The following SYNPO variants were observed in gnomAD, a reference collection of about 807,000 sequenced individuals.
The protein encoded by SYNPO is synaptopodin.
A neutral mutation model predicts 49.5 loss-of-function variants in SYNPO; 19 were observed. The observed-to-expected ratio is 0.38, with a 90% CI of 0.27 to 0.56. The LOEUF is 0.56. Among genes scored for constraint, SYNPO ranks in the 20% least tolerant of loss-of-function variants. The pLI, the probability that SYNPO is intolerant of heterozygous loss-of-function variation, is 0.68. For missense variants in SYNPO, 1,131 were observed against 1,248.3 expected, an observed-to-expected ratio of 0.91 and a Z score of 1.42; for synonymous variants, 536 against 548.0, an observed-to-expected ratio of 0.98 and a Z score of 0.31.
At position 150,648,616 on chromosome 5, in the gene SYNPO, T is replaced by G; in HGVS notation, c.341T>G (p.Ile114Ser). ...CCACAGAGCCTGCCACTTTCTAGCA[T>G]CCAACAGAATTCCTCAGAGGCCCAA... Reference protein sequence around the residue: ...VVPQSLPLSSIQQNSSEAQLP... With the variant: ...VVPQSLPLSSSQQNSSEAQLP... Residue 114 changes from isoleucine (I) to serine (S), a missense_variant, in exon 2 of 3, where the codon ATC becomes AGC. This residue lies in a region of SYNPO where 602 missense variants were observed against 720.7 expected (regional missense o/e 0.84). Coordinates refer to ENST00000307662, the MANE Select transcript of SYNPO (RefSeq NM_007286.6). This position sits in a 1 kb window ranked among gnomAD's most constrained non-coding sequence, Gnocchi z 5.0. The G allele has an allele frequency of 6.2e-7, 1 of 1,614,180 alleles. No homozygotes were observed. Among genetic ancestry groups the G allele is most frequent in the Non-Finnish European group, 8.5e-7 (1 of 1,180,034 alleles).
intron 2 of SYNPO, among the ~76,000 whole-genome samples, chr5:150,625,735 T>C (rs1462595700): frequency 6.6e-6 from 1 of 152,094 alleles, no homozygotes; most frequent in African/African-American, 2.4e-5. Flanking sequence ...AAGGTCTCCT[T>C]TGCTCCCCCC....
At chr5:150,599,739 T>A (rs1756488236), upstream of SYNPO, among the ~76,000 whole-genome samples, 1 of 152,220 alleles carries the variant, frequency 6.6e-6, no homozygotes, top group Non-Finnish European at 1.5e-5. Context: ...ACTACTGCAG[T>A]GCCAGTGCTG....
intron 2 of SYNPO, among the ~76,000 whole-genome samples, chr5:150,631,580 G>A (rs1242781381): frequency 6.6e-6 from 1 of 152,162 alleles, no homozygotes; most frequent in Non-Finnish European, 1.5e-5. Context: ...GGTGGTACAG[G>A]GCCTGGAGCC....
At chr5:150,595,359 C>T in the SYNPO span, among the ~76,000 whole-genome samples, 1 of 152,268 alleles carries the variant, frequency 6.6e-6, no homozygotes. Flanking sequence ...CATCTTGTTC[C>T]TCCACCCTTC....
chr5:150,624,413 A>G (rs1757276718), intron 2 of SYNPO, among the ~76,000 whole-genome samples: 1 of 152,196 alleles, frequency 6.6e-6, no homozygotes, highest in African/African-American at 2.4e-5. Flanking sequence ...GGGGACACAA[A>G]GAAACTGTCT....
upstream of SYNPO, among the ~76,000 whole-genome samples, chr5:150,637,116 CCCAGCA>C (rs1197676414): frequency 6.6e-6 from 1 of 152,164 alleles, no homozygotes; most frequent in Non-Finnish European, 1.5e-5. Flanking sequence ...CTGAAGGTAG[CCCAGCA>C]ATTTGAATAG....
At chr5:150,593,926 A>G in the SYNPO span, among the ~76,000 whole-genome samples, 1 of 152,186 alleles carries the variant, frequency 6.6e-6, no homozygotes, top group Non-Finnish European at 1.5e-5. Context: ...CAGTCATGGA[A>G]GACTTAGGGG....
intron 1 of SYNPO, among the ~76,000 whole-genome samples, chr5:150,607,149 T>A (rs181871412): frequency 2.0e-5 from 3 of 152,162 alleles, no homozygotes; most frequent in Non-Finnish European, 4.4e-5. Flanking sequence ...AGGTCCTCCA[T>A]TGGGCTCAAA....
chr5:150,656,437 T>G lies in SYNPO; in HGVS notation c.2062T>G (p.Trp688Gly), dbSNP rs1438218916. 3.3e-6 allele frequency: 5 copies of G among 1,531,332 alleles called. No homozygotes were observed. Among genetic ancestry groups the G allele is most frequent in the Non-Finnish European group, 4.4e-6 (5 of 1,145,102 alleles). 94.9% of individuals were successfully genotyped at this position (1,531,332 alleles called of 1,614,324 possible). A position where few individuals can be genotyped will look rare whatever the true frequency, so the allele number is the denominator to read the frequency against. Residue 688 changes from tryptophan (W) to glycine (G), a missense_variant, in exon 3 of 3, where the codon TGG becomes GGG. Coordinates refer to ENST00000307662, the MANE Select transcript of SYNPO (RefSeq NM_007286.6). ...GGAGAGCCTGCCCACCTCCCCACCC[T>G]GGACGCCGGGCGCGTCCCGGCCCCC... The part of the protein sequence containing the change: ...RRESLPTSPP[W>G]TPGASRPPSS...
At position 150,657,406 on chromosome 5, in the gene SYNPO, A is replaced by T. The variant is rs1158165714; in HGVS notation, c.*319A>T. The T allele has an allele frequency of 2.6e-5, 9 of 351,670 alleles. No individual in the cohort carries two copies. The highest frequency in any genetic ancestry group is 2.3e-4 in the African/African-American group (9 of 39,918). The allele number at this position is 351,670 out of a possible 1,614,324, so 21.8% of individuals were successfully genotyped here. The stretch of plus-strand genomic sequence containing the variant: ...TCAGTACACACACCGATGCACACAC[A>T]CTCTCTCTTTCTCTCTCTCTCTCTC... On this transcript the variant is annotated 3_prime_UTR_variant, in exon 3 of 3. Transcript: ENST00000307662.
intron 2 of SYNPO, chr5:150,651,004 C>A: frequency 8.1e-7 from 1 of 1,235,634 alleles, no homozygotes; most frequent in Middle Eastern, 3.2e-4. Context: ...CTTCCTGCCC[C>A]CTCTGAGGCC....
At chr5:150,620,602 G>A (rs1035779819) in intron 2 of SYNPO, among the ~76,000 whole-genome samples, 15 of 152,164 alleles carry the variant, frequency 9.9e-5, no homozygotes, top group South Asian at 4.1e-4. Flanking sequence ...TGTTGTCTGC[G>A]GACATCTTGG....
chr5:150,604,060 C>G (rs1469711529), intron 1 of SYNPO, among the ~76,000 whole-genome samples: 2 of 152,196 alleles, frequency 1.3e-5, no homozygotes, highest in Non-Finnish European at 2.9e-5. Context: ...AAGCTGCTGG[C>G]CATGATCAGG....
chr5:150,610,698 A>G (rs1399165597), intron 1 of SYNPO, among the ~76,000 whole-genome samples: 6 of 152,238 alleles, frequency 3.9e-5, no homozygotes, highest in Non-Finnish European at 8.8e-5. Context: ...GCAATATGAT[A>G]TCATTATTAT....
At chr5:150,606,063 G>A (rs151023062) in intron 1 of SYNPO, among the ~76,000 whole-genome samples, 54 of 152,038 alleles carry the variant, frequency 3.6e-4, no homozygotes, top group African/African-American at 1.0e-3. Context: ...GCCCAGACAC[G>A]TACATGTGCA....
At position 150,649,050 on chromosome 5, in the gene SYNPO, A is replaced by G. The variant is rs1298066630; in HGVS notation, c.775A>G (p.Met259Val). 1 of 1,614,094 alleles carries G rather than the reference A, an allele frequency of 6.2e-7. No homozygotes were observed. The highest frequency in any genetic ancestry group is 1.7e-5 in the Admixed American group (1 of 60,018). Residue 259 changes from methionine to valine, a missense_variant, in exon 2 of 3, where the codon ATG becomes GTG. Around this residue, in one of 4 missense-constraint regions of SYNPO, gnomAD observed 602 missense variants for 720.7 expected, o/e 0.84. Transcript: ENST00000307662. ...CACCAGCCAGATGGAGAGGAGCCCCATGCTAGAGAGACGACATTTTGGGGA... is the reference window on the plus strand; with the variant it reads ...CACCAGCCAGATGGAGAGGAGCCCCGTGCTAGAGAGACGACATTTTGGGGA... ...GGTSQMERSP[M>V]LERRHFGEKA...
chr5:150,629,272 C>T (rs560567318), intron 2 of SYNPO, among the ~76,000 whole-genome samples: 15 of 152,186 alleles, frequency 9.9e-5, no homozygotes, highest in Non-Finnish European at 1.9e-4. Context: ...CTCAGGCTTA[C>T]AGGCATGAGT....
rs1489841362 is a variant in SYNPO at position 150,649,598 on chromosome 5, C to T, written c.1323C>T (p.Ser441=). Residue 441 remains serine, a synonymous_variant, in exon 2 of 3, where the codon AGC becomes AGT. Coordinates refer to ENST00000307662, the MANE Select transcript of SYNPO (RefSeq NM_007286.6). ...QQEPAPRDRA[S]PAAAEEVVPE... is the part of the protein sequence containing the mutation. ...AGCCAGCACCTCGTGACAGGGCCAG[C>T]CCCGCGGCGGCGGAGGAGGTGGTAC... 2.5e-6 allele frequency: 4 copies of T among 1,609,638 alleles called. No homozygotes were observed. The South Asian group carries it at 4.4e-5, about 18-fold the overall frequency.
At chr5:150,618,900 T>G (rs1757062073) in intron 2 of SYNPO, 1 of 1,178,250 alleles carries the variant, frequency 8.5e-7, no homozygotes, top group Admixed American at 2.4e-5. Context: ...CATGCCCAGA[T>G]TAACAGCTGT....
Sources: gnomAD v4.1 joint callset for allele counts (sites outside exome capture counted in the v4.1 genomes callset) on GRCh38, gnomAD v4.1.1 for gene constraint, gnomAD v4.1.1 regional missense constraint, Gnocchi (gnomAD v3.1) non-coding constraint, MANE v1.5 for transcripts, NCBI Gene and HGNC (gene_info 2026-07-23, HGNC 2026-07-21) for gene names.